GPR173: variants seen among roughly 807,000 people sequenced by gnomAD.
The protein encoded by GPR173 is G protein-coupled receptor 173, also known as probable G protein-coupled receptor 173.
In GPR173, 2 loss-of-function variants were observed where a neutral mutation model predicts 13.9. That is an observed-to-expected ratio of 0.14 (90% CI 0.06 to 0.45). The LOEUF (loss-of-function observed/expected upper bound fraction) is 0.45, where lower values mean the gene tolerates loss of function less well. Ranked by LOEUF, GPR173 falls within the 20% of genes least tolerant of loss-of-function variation. GPR173 has a pLI of 0.98. For missense variants in GPR173, 202 were observed against 340.5 expected (o/e 0.59, Z 3.20); for synonymous variants, 131 against 141.0 (o/e 0.93, Z 0.50).
chrX:53,062,569 CTTCT>C (rs1295623604), intron 1 of GPR173, among the ~76,000 whole-genome samples: 14,936 of 74,160 alleles, frequency 0.2, 2,626 homozygotes, highest in African/African-American at 0.46. Flanking sequence ...ACATTGTCTT[CTTCT>C]TTTTTTTTTT....
At chrX:53,059,807 A>T (rs1209696472) in intron 1 of GPR173, among the ~76,000 whole-genome samples, 2 of 96,257 alleles carry the variant, frequency 2.1e-5, no homozygotes, top group Non-Finnish European at 4.1e-5. Flanking sequence ...AAAAAAAAAA[A>T]CCCAGAACCT....
At chrX:53,073,512 C>A (rs1303243538) in intron 1 of GPR173, among the ~76,000 whole-genome samples, 12 of 109,989 alleles carry the variant, frequency 1.1e-4, no homozygotes, top group Non-Finnish European at 5.7e-5. Flanking sequence ...GCTCTCACCA[C>A]CAGATGTACC....
At chrX:53,049,938 G>C (rs1602086521) in intron 1 of GPR173, among the ~76,000 whole-genome samples, 1 of 67,179 alleles carries the variant, frequency 1.5e-5, no homozygotes, top group Non-Finnish European at 2.9e-5. Flanking sequence ...CTGGCCGGGT[G>C]TGTGTGTGTG....
At position 53,079,797 on chromosome X, in the gene GPR173, T is replaced by C. The variant is rs1932507620; in HGVS notation, c.*2054T>C. The C allele has an allele frequency of 8.3e-6, 1 of 120,998 alleles. No homozygotes were observed. Among genetic ancestry groups the C allele is most frequent in the Admixed American group, 9.6e-5 (1 of 10,423 alleles). 10.0% of individuals were successfully genotyped at this position (120,998 alleles called of 1,213,427 possible). On this transcript the variant is annotated 3_prime_UTR_variant, in exon 2 of 2. Transcript: ENST00000332582. ...ACACACACACACACACACACCACAG[T>C]TGAGAGGAGACAAACTAGAGTATGT... is the stretch of plus-strand genomic sequence containing the variant.
chrX:53,068,763 TATAA>T (rs782084081), intron 1 of GPR173, among the ~76,000 whole-genome samples: 4 of 96,485 alleles, frequency 4.1e-5, no homozygotes, highest in African/African-American at 4.3e-5. Flanking sequence ...CGAGACCCTG[TATAA>T]ATAAATAAAT....
chrX:53,049,872 C>T (rs187142658), intron 1 of GPR173, among the ~76,000 whole-genome samples: 50 of 110,996 alleles, frequency 4.5e-4, no homozygotes, highest in East Asian at 3.7e-3. Flanking sequence ...CAGCCTCTTG[C>T]GGCTGCTCCT....
At chrX:53,059,235 C>G (rs1354329792) in intron 1 of GPR173, among the ~76,000 whole-genome samples, 2 of 106,402 alleles carry the variant, frequency 1.9e-5, no homozygotes, top group African/African-American at 6.8e-5. Context: ...GGCAACAGAG[C>G]AAGACTCCGT....
At chrX:53,060,981 A>G (rs781890889) in intron 1 of GPR173, among the ~76,000 whole-genome samples, 71 of 106,139 alleles carry the variant, frequency 6.7e-4, no homozygotes, top group Non-Finnish European at 1.3e-3. Flanking sequence ...TTTTGAGGCT[A>G]ACTGTATACC....
At chrX:53,072,221 C>CT (rs1355712576) in intron 1 of GPR173, among the ~76,000 whole-genome samples, 7 of 110,257 alleles carry the variant, frequency 6.3e-5, no homozygotes, top group African/African-American at 2.0e-4. Flanking sequence ...CCTTCTCGGT[C>CT]TTAGCGTGGC....
intron 1 of GPR173, among the ~76,000 whole-genome samples, chrX:53,072,251 A>C (rs1932267991): frequency 9.5e-6 from 1 of 104,949 alleles, no homozygotes; most frequent in African/African-American, 3.5e-5. Flanking sequence ...CTCCCTCTCT[A>C]TCTCCATCTT....
Position 53,071,490 on chromosome X carries a change from GA to G in GPR173, c.-97-5027del, listed in dbSNP as rs1242424462. On this transcript the variant is annotated intron_variant, in intron 1 of 1. Coordinates refer to ENST00000332582, the MANE Select transcript of GPR173 (RefSeq NM_018969.6). ...AATTCGGGGTATGTTAAAATCAAGA[GA>G]AAAAAAATGGTGTTTATCTGTGAAA... 1.2e-4 allele frequency among the ~76,000 whole-genome samples: 13 copies of G among 111,127 alleles called. No homozygotes were observed. The South Asian group carries it at 1.9e-3, about 16-fold the overall frequency.
rs782131378 is a variant in GPR173 at position 53,067,802 on chromosome X, C to T, written c.-97-8723C>T. On this transcript the variant is annotated intron_variant, in intron 1 of 1. Transcript: ENST00000332582. The stretch of plus-strand genomic sequence containing the variant: ...TCGTGCCACTGCACTCCCGCCTGGG[C>T]GACAGAGCGAGACTCCATCTCAAAA... Among the ~76,000 whole-genome samples the T allele has an allele frequency of 6.1e-5, 5 of 81,846 alleles. No homozygotes were observed. In the South Asian group the frequency reaches 2.0e-3, roughly 32 times the overall value. The allele number at this position is 81,846 out of a possible 115,157, so 71.1% of individuals were successfully genotyped here. A position where few individuals can be genotyped will look rare whatever the true frequency, so the allele number is the denominator to read the frequency against.
chrX:53,066,659 CA>C (rs113775543), intron 1 of GPR173, among the ~76,000 whole-genome samples: 38 of 96,486 alleles, frequency 3.9e-4, no homozygotes, highest in Middle Eastern at 5.3e-3. Flanking sequence ...CAGCGAGACT[CA>C]AAAAAAAAAA....
intron 1 of GPR173, among the ~76,000 whole-genome samples, chrX:53,049,873 G>A (rs1317904693): frequency 9.0e-6 from 1 of 110,780 alleles, no homozygotes; most frequent in Non-Finnish European, 1.9e-5. Flanking sequence ...AGCCTCTTGC[G>A]GCTGCTCCTC....
rs1205265901 is a variant in GPR173 at position 53,079,455 on chromosome X, G to A, written c.*1712G>A. The A allele has an allele frequency of 9.1e-6, 1 of 109,907 alleles. No homozygotes were observed. The highest frequency in any genetic ancestry group is 3.7e-5 in the African/African-American group (1 of 27,050). The allele number at this position is 109,907 out of a possible 1,213,427, so 9.1% of individuals were successfully genotyped here. A position where few individuals can be genotyped will look rare whatever the true frequency, so the allele number is the denominator to read the frequency against. Reference sequence around the variant, plus strand: ...GGGGTGGGGTGGGAAGACCAAGGGGGTGGGGGGTAGATAGGGTACATTTAG... The same window carrying A: ...GGGGTGGGGTGGGAAGACCAAGGGGATGGGGGGTAGATAGGGTACATTTAG... On this transcript the variant is annotated 3_prime_UTR_variant, in exon 2 of 2. Transcript: ENST00000332582.
intron 1 of GPR173, among the ~76,000 whole-genome samples, chrX:53,056,333 G>A (rs781823017): frequency 3.6e-5 from 4 of 110,664 alleles, no homozygotes; most frequent in African/African-American, 1.3e-4. Flanking sequence ...TGAGGAGAAT[G>A]TGGGCACATC....
In GPR173 at chrX:53,054,234, G is replaced by A. The variant is rs1042722230; in HGVS notation, c.-98+4750G>A. On this transcript the variant is annotated intron_variant, in intron 1 of 1. Coordinates refer to ENST00000332582, the MANE Select transcript of GPR173 (RefSeq NM_018969.6). ...TGTGTGTAAGAGAGAGCATGGGCCG[G>A]GTGCGGTGGCTCATGCCTGTAATCC... Among the ~76,000 whole-genome samples the A allele has an allele frequency of 2.7e-5, 3 of 110,830 alleles. No individual in the cohort carries two copies. In the East Asian group the frequency reaches 8.5e-4, roughly 32 times the overall value.
intron 1 of GPR173, among the ~76,000 whole-genome samples, chrX:53,060,054 G>A (rs868960347): frequency 2.3e-4 from 21 of 92,786 alleles, no homozygotes; most frequent in Admixed American, 3.4e-4. Flanking sequence ...ATACACACAC[G>A]CACACACACA....
rs1382852247 is a variant in GPR173 at position 53,071,400 on chromosome X, G to A, written c.-97-5125G>A. ...TTTCTAAAATAGTCAACAACTCTAA[G>A]GAAAGCTCATCCCAAACCAAAGTGC... On this transcript the variant is annotated intron_variant, in intron 1 of 1. Transcript: ENST00000332582. 2.7e-5 allele frequency among the ~76,000 whole-genome samples: 3 copies of A among 112,242 alleles called. No homozygotes were observed. In the Admixed American group the frequency reaches 2.8e-4, roughly 11 times the overall value.
Sources: gnomAD v4.1 joint callset for allele counts (sites outside exome capture counted in the v4.1 genomes callset) on GRCh38, gnomAD v4.1.1 for gene constraint, MANE v1.5 for transcripts, NCBI Gene and HGNC (gene_info 2026-07-23, HGNC 2026-07-21) for gene names.